Variants in MAGI2 observed in about 807,000 individuals in gnomAD.
The protein encoded by MAGI2 is membrane associated guanylate kinase, WW and PDZ domain containing 2.
A neutral mutation model predicts 133.3 loss-of-function variants in MAGI2; 35 were observed. The observed-to-expected ratio is 0.26, with a 90% CI of 0.20 to 0.35. The LOEUF (loss-of-function observed/expected upper bound fraction) is 0.35, where lower values mean the gene tolerates loss of function less well. Ranked by LOEUF, MAGI2 falls within the 10% of genes least tolerant of loss-of-function variation. The probability of loss-of-function intolerance (pLI) is 1.00; values close to 1 mark genes in which losing one functional copy is unlikely to be tolerated. For synonymous variants in MAGI2, 729 were observed against 710.6 expected, an observed-to-expected ratio of 1.03 and a Z score of -0.41; for missense variants, 1,636 against 1,863.4, an observed-to-expected ratio of 0.88 and a Z score of 2.25.
intron 1 of MAGI2, among the ~76,000 whole-genome samples, chr7:79,154,630 A>T (rs1276065549): frequency 6.6e-6 from 1 of 152,194 alleles, no homozygotes; most frequent in Non-Finnish European, 1.5e-5. Context: ...TCATTTACAT[A>T]GAAGAGTTTT....
intron 1 of MAGI2, among the ~76,000 whole-genome samples, chr7:79,037,415 G>A (rs563348623): frequency 9.9e-5 from 15 of 152,134 alleles, no homozygotes; most frequent in Middle Eastern, 6.8e-3. Context: ...AGCACAACCC[G>A]AGTCCTGGAA....
intron 1 of MAGI2, among the ~76,000 whole-genome samples, chr7:79,043,806 A>G (rs1452074367): frequency 6.6e-6 from 1 of 152,156 alleles, no homozygotes; most frequent in African/African-American, 2.4e-5. Flanking sequence ...GAAGAAATGG[A>G]TAAATTCCTG....
At chr7:79,217,607 C>G (rs1401536687) in intron 1 of MAGI2, among the ~76,000 whole-genome samples, 2 of 151,834 alleles carry the variant, frequency 1.3e-5, no homozygotes, top group African/African-American at 4.8e-5. Flanking sequence ...GAATGTAAAC[C>G]AGGCAAAGTA....
chr7:78,829,728 G>GA (rs1368124651), intron 2 of MAGI2, among the ~76,000 whole-genome samples: 11 of 152,006 alleles, frequency 7.2e-5, no homozygotes. Context: ...TTTTCACATA[G>GA]AGCTGACATT....
chr7:79,208,390 A>T (rs963193341), intron 1 of MAGI2, among the ~76,000 whole-genome samples: 1 of 152,000 alleles, frequency 6.6e-6, no homozygotes, highest in African/African-American at 2.4e-5. Flanking sequence ...ACATGAATGG[A>T]CGTCTCCTCA....
At chr7:79,157,536 C>T (rs1823901060) in intron 1 of MAGI2, among the ~76,000 whole-genome samples, 1 of 146,556 alleles carries the variant, frequency 6.8e-6, no homozygotes. Context: ...ATTCCTAGGC[C>T]ACATCTCAGA....
Position 78,837,372 on chromosome 7 carries a change from T to C in MAGI2, c.418+169718A>G, listed in dbSNP as rs113053427. ...TATGCTTGGTTTGATTAAATCATTT[T>C]TCATGTGTTGACATGCTCTTTATAA... On this transcript the variant is annotated intron_variant, in intron 2 of 21. Transcript: ENST00000354212. Among the ~76,000 whole-genome samples, 416 of 152,292 alleles carry C rather than the reference T, an allele frequency of 2.7e-3. 3 individuals are homozygous for C. The highest frequency in any genetic ancestry group is 9.5e-3 in the African/African-American group (396 of 41,574).
At chr7:78,299,396 A>C (rs1431750613) in intron 9 of MAGI2, among the ~76,000 whole-genome samples, 1 of 152,124 alleles carries the variant, frequency 6.6e-6, no homozygotes, top group African/African-American at 2.4e-5. Context: ...AATCATTAAA[A>C]CTTTTAATGG....
intron 2 of MAGI2, among the ~76,000 whole-genome samples, chr7:78,953,264 G>A (rs1802016571): frequency 6.6e-6 from 1 of 152,116 alleles, no homozygotes; most frequent in African/African-American, 2.4e-5. Flanking sequence ...CCATCTGAAT[G>A]CACATGTGGT....
chr7:78,282,814 G>A (rs1795757718), intron 9 of MAGI2, among the ~76,000 whole-genome samples: 1 of 151,930 alleles, frequency 6.6e-6, no homozygotes, highest in Admixed American at 6.6e-5. Context: ...ATGAGGGGTG[G>A]GAGGGTCACA....
At chr7:79,333,236 T>G (rs1043484096) in intron 1 of MAGI2, among the ~76,000 whole-genome samples, 1 of 152,036 alleles carries the variant, frequency 6.6e-6, no homozygotes, top group East Asian at 1.9e-4. Context: ...CAAGCATTTC[T>G]CCTCCCTCAG....
At chr7:79,158,284 C>A (rs1398854351) in intron 1 of MAGI2, among the ~76,000 whole-genome samples, 1 of 151,902 alleles carries the variant, frequency 6.6e-6, no homozygotes, top group African/African-American at 2.4e-5. Context: ...GTTGTGTACA[C>A]AACGTTTCAC....
At chr7:79,442,575 C>G (rs1187471466) in intron 1 of MAGI2, among the ~76,000 whole-genome samples, 1 of 151,708 alleles carries the variant, frequency 6.6e-6, no homozygotes. Flanking sequence ...ATAGGAACTT[C>G]CAACTAAAGA....
At chr7:79,193,066 C>T (rs1000554508) in intron 1 of MAGI2, among the ~76,000 whole-genome samples, 4 of 151,802 alleles carry the variant, frequency 2.6e-5, no homozygotes, top group African/African-American at 9.7e-5. Context: ...CCCATCTTGG[C>T]CCCCACAAAG....
intron 21 of MAGI2, among the ~76,000 whole-genome samples, chr7:78,067,351 A>C (rs1391729771): frequency 6.6e-6 from 1 of 152,194 alleles, no homozygotes; most frequent in Non-Finnish European, 1.5e-5. Context: ...GTGGAAATAA[A>C]TTGCTGTGAA....
At chr7:78,555,078 G>A (rs1282877722) in intron 3 of MAGI2, among the ~76,000 whole-genome samples, 1 of 151,924 alleles carries the variant, frequency 6.6e-6, no homozygotes, top group African/African-American at 2.4e-5. Flanking sequence ...GGTTGAGGCT[G>A]CAGTGAACTA....
chr7:78,669,571 T>C (rs1350790678), intron 2 of MAGI2, among the ~76,000 whole-genome samples: 1 of 152,102 alleles, frequency 6.6e-6, no homozygotes, highest in Non-Finnish European at 1.5e-5. Flanking sequence ...ACTCATTTTA[T>C]GAGGCCAGCA....
At chr7:78,058,205 C>G (rs1400296141) in intron 21 of MAGI2, among the ~76,000 whole-genome samples, 1 of 151,788 alleles carries the variant, frequency 6.6e-6, no homozygotes, top group Non-Finnish European at 1.5e-5. Context: ...ATGATTGTGT[C>G]TATACATTAA....
intron 1 of MAGI2, among the ~76,000 whole-genome samples, chr7:79,351,499 AG>A (rs1299728299): frequency 1.3e-5 from 2 of 152,200 alleles, no homozygotes; most frequent in African/African-American, 4.8e-5. Flanking sequence ...TGCATGCAGG[AG>A]AAAAGTATAA....
Sources: allele counts gnomAD v4.1 joint callset (sites outside exome capture counted in the v4.1 genomes callset), GRCh38; gene constraint gnomAD v4.1.1; transcripts MANE v1.5; gene names NCBI Gene and HGNC (gene_info 2026-07-23, HGNC 2026-07-21).